ZNF385B: variants seen among roughly 807,000 people sequenced by gnomAD.
ZNF385B encodes zinc finger protein 533.
ZNF385B carries 23 observed loss-of-function variants against 39.2 expected under a neutral mutation model. That is an observed-to-expected ratio of 0.59 (90% confidence interval 0.42 to 0.83). The LOEUF (loss-of-function observed/expected upper bound fraction) is 0.83, where lower values mean the gene tolerates loss of function less well. Ranked by LOEUF, ZNF385B falls within the 40% of genes least tolerant of loss-of-function variation. The pLI is 0.00. For missense variants in ZNF385B, 552 were observed against 598.9 expected, an observed-to-expected ratio of 0.92 and a Z score of 0.82; for synonymous variants, 205 against 222.6, an observed-to-expected ratio of 0.92 and a Z score of 0.70.
At chr2:179,822,019 A>T (rs918571007) in intron 1 of ZNF385B, among the ~76,000 whole-genome samples, 1 of 152,212 alleles carries the variant, frequency 6.6e-6, no homozygotes, top group Non-Finnish European at 1.5e-5. Context: ...CAAGAAACAC[A>T]TTATGTTCCT....
chr2:179,493,607 A>G (rs753484311), intron 5 of ZNF385B, among the ~76,000 whole-genome samples: 2,120 of 101,142 alleles, frequency 0.021, 59 homozygotes, highest in African/African-American at 0.065. Context: ...GTATACATAT[A>G]TGTACGTACA....
intron 4 of ZNF385B, among the ~76,000 whole-genome samples, chr2:179,532,304 A>G (rs2059299105): frequency 6.6e-6 from 1 of 152,232 alleles, no homozygotes; most frequent in African/African-American, 2.4e-5. Context: ...TTCTGAATAG[A>G]CTAACACATA....
chr2:179,813,925 C>T (rs165375), intron 1 of ZNF385B, among the ~76,000 whole-genome samples: 7,403 of 152,196 alleles, frequency 0.049, 383 homozygotes, highest in African/African-American at 0.13. Context: ...AAGACATTCA[C>T]CTTAGTTTTA....
At chr2:179,831,299 T>C (rs1707970423) in intron 1 of ZNF385B, among the ~76,000 whole-genome samples, 1 of 152,214 alleles carries the variant, frequency 6.6e-6, no homozygotes, top group Non-Finnish European at 1.5e-5. Flanking sequence ...ATGAGGTAGG[T>C]ATCCTTGTTT....
chr2:179,537,122 T>G (rs1003172718), intron 4 of ZNF385B, among the ~76,000 whole-genome samples: 1 of 150,646 alleles, frequency 6.6e-6, no homozygotes, highest in Admixed American at 6.6e-5. Flanking sequence ...ACAAGCCTGA[T>G]GAACATGGAG....
At chr2:179,625,824 C>T (rs1690611849) in intron 3 of ZNF385B, among the ~76,000 whole-genome samples, 2 of 152,028 alleles carry the variant, frequency 1.3e-5, no homozygotes, top group Admixed American at 1.3e-4. Flanking sequence ...TAGTAAGATC[C>T]TTCCTGCCTA....
At chr2:179,489,446 C>T (rs2054965199) in intron 5 of ZNF385B, among the ~76,000 whole-genome samples, 1 of 152,070 alleles carries the variant, frequency 6.6e-6, no homozygotes, top group African/African-American at 2.4e-5. Context: ...CAGATTTTAT[C>T]CTCTGCTCCA....
At chr2:179,544,400 A>G (rs1464043660) in intron 4 of ZNF385B, among the ~76,000 whole-genome samples, 2 of 152,194 alleles carry the variant, frequency 1.3e-5, no homozygotes, top group African/African-American at 4.8e-5. Flanking sequence ...CATTTTATCT[A>G]AAGTATCTCC....
intron 1 of ZNF385B, among the ~76,000 whole-genome samples, chr2:179,814,964 G>A (rs961206687): frequency 2.6e-5 from 4 of 152,184 alleles, no homozygotes; most frequent in African/African-American, 9.7e-5. Flanking sequence ...GATCATCTCT[G>A]AGAATAAGAT....
chr2:179,532,559 G>T (rs1380788144), intron 4 of ZNF385B, among the ~76,000 whole-genome samples: 1 of 152,172 alleles, frequency 6.6e-6, no homozygotes, highest in Non-Finnish European at 1.5e-5. Context: ...AAGATTTTCA[G>T]AAATGTTTCT....
chr2:179,780,864 C>T (rs1704622805), intron 1 of ZNF385B, among the ~76,000 whole-genome samples: 1 of 152,116 alleles, frequency 6.6e-6, no homozygotes, highest in Non-Finnish European at 1.5e-5. Flanking sequence ...TTATATTGTA[C>T]TTGTAATAAA....
chr2:179,803,486 A>G (rs1706161444), intron 1 of ZNF385B, among the ~76,000 whole-genome samples: 1 of 152,232 alleles, frequency 6.6e-6, no homozygotes, highest in Non-Finnish European at 1.5e-5. Flanking sequence ...AGCTGTTTAT[A>G]TAAAATTATT....
In ZNF385B at chr2:179,824,402, C is replaced by T. The variant is rs114423081; in HGVS notation, c.-155+36699G>A. Among the ~76,000 whole-genome samples the T allele has an allele frequency of 3.8e-3, 582 of 152,226 alleles. 2 individuals carry two copies. Among genetic ancestry groups the T allele is most frequent in the Non-Finnish European group, 6.4e-3 (433 of 67,994 alleles). ...ACAAATGTTAACTACAAAAGTAAAT[C>T]TTTGACATTTATCAGATTGTGACTC... is the stretch of plus-strand genomic sequence containing the variant. On this transcript the variant is annotated intron_variant, in intron 1 of 9. Coordinates refer to ENST00000410066, the MANE Select transcript of ZNF385B (RefSeq NM_152520.6).
intron 3 of ZNF385B, among the ~76,000 whole-genome samples, chr2:179,552,521 T>C (rs1163727572): frequency 6.7e-6 from 1 of 149,462 alleles, no homozygotes; most frequent in Non-Finnish European, 1.5e-5. Flanking sequence ...TTTAAAGAAA[T>C]TTAAATGAGT....
At chr2:179,709,193 G>A (rs1699826050) in intron 3 of ZNF385B, among the ~76,000 whole-genome samples, 1 of 152,202 alleles carries the variant, frequency 6.6e-6, no homozygotes, top group Admixed American at 6.5e-5. Flanking sequence ...GATCTCAGCG[G>A]ATGAACCACC....
At chr2:179,498,128 T>C (rs2056415326) in intron 5 of ZNF385B, among the ~76,000 whole-genome samples, 1 of 152,090 alleles carries the variant, frequency 6.6e-6, no homozygotes, top group Non-Finnish European at 1.5e-5. Flanking sequence ...AACAACCCAC[T>C]TTCAGCACTG....
chr2:179,524,551 C>CAAAAAAAAAA (rs770219234), intron 4 of ZNF385B, among the ~76,000 whole-genome samples: 24 of 60,990 alleles, frequency 3.9e-4, no homozygotes, highest in South Asian at 9.3e-4. Flanking sequence ...GACTCCGTCT[C>CAAAAAAAAAA]AAAAAAAAAA....
At chr2:179,552,383 C>A (rs2060630155) in intron 3 of ZNF385B, among the ~76,000 whole-genome samples, 1 of 149,162 alleles carries the variant, frequency 6.7e-6, no homozygotes, top group Admixed American at 6.7e-5. Flanking sequence ...CTATATCCTG[C>A]AGGAGTAGTT....
At chr2:179,711,548 A>G (rs1559118700) in intron 3 of ZNF385B, among the ~76,000 whole-genome samples, 1 of 152,128 alleles carries the variant, frequency 6.6e-6, no homozygotes, top group African/African-American at 2.4e-5. Context: ...ATGGTATAAA[A>G]AGAATGTGTG....
Sources: allele counts gnomAD v4.1 joint callset (sites outside exome capture counted in the v4.1 genomes callset), GRCh38; gene constraint gnomAD v4.1.1; transcripts MANE v1.5; gene names NCBI Gene and HGNC (gene_info 2026-07-23, HGNC 2026-07-21).